Variants in HERC1 observed in about 807,000 individuals in gnomAD.
The protein encoded by HERC1 is probable E3 ubiquitin-protein ligase HERC1.
Under a neutral mutation model 554.3 loss-of-function variants are expected in HERC1, and 160 were observed. The ratio of observed to expected loss-of-function variants is 0.29; its 90% confidence interval spans 0.25 to 0.33. The LOEUF is 0.33. Among genes scored for constraint, HERC1 ranks in the 10% least tolerant of loss-of-function variants. The pLI is 1.00. For missense variants in HERC1, 4,919 were observed against 5,918.5 expected (o/e 0.83, Z 5.54); for synonymous variants, 2,175 against 2,131.7 (o/e 1.02, Z -0.56).
intron 74 of HERC1, among the ~76,000 whole-genome samples, chr15:63,618,345 C>G (rs2067915085): frequency 6.6e-6 from 1 of 152,220 alleles, no homozygotes; most frequent in South Asian, 2.1e-4. Flanking sequence ...GGGCTCTGTT[C>G]TGTTCCATTG....
intron 33 of HERC1, among the ~76,000 whole-genome samples, chr15:63,687,234 A>G (rs2071814984): frequency 6.6e-6 from 1 of 152,168 alleles, no homozygotes. Context: ...TATCCCTGCA[A>G]GTTCAGGTAA....
Position 63,680,018 on chromosome 15 carries a change from T to C in HERC1, c.6549+59A>G, listed in dbSNP as rs1311336034. 7.6e-6 allele frequency: 9 copies of C among 1,188,264 alleles called. No individual in the cohort carries two copies. Among genetic ancestry groups the C allele is most frequent in the Admixed American group, 1.9e-5 (1 of 53,406 alleles). The allele number at this position is 1,188,264 out of a possible 1,614,324, so 73.6% of individuals were successfully genotyped here. On this transcript the variant is annotated intron_variant, in intron 36 of 77. Coordinates refer to ENST00000443617, the MANE Select transcript of HERC1 (RefSeq NM_003922.4). This position sits in a 1 kb window ranked among gnomAD's most constrained non-coding sequence, Gnocchi z 5.8. ...TAGCTTATTATATTTATAAACTCTA[T>C]CTGATGCTAAACAATAAAATAACAA...
intron 25 of HERC1, among the ~76,000 whole-genome samples, chr15:63,704,946 G>C (rs987685062): frequency 6.6e-6 from 1 of 151,822 alleles, no homozygotes; most frequent in South Asian, 2.1e-4. Context: ...CACCATGTTA[G>C]CCAGGATGGT....
intron 1 of HERC1, among the ~76,000 whole-genome samples, chr15:63,823,316 G>A (rs2145820420): frequency 6.6e-6 from 1 of 152,220 alleles, no homozygotes; most frequent in Admixed American, 6.5e-5. Context: ...TGAGTCAACT[G>A]GCATATAGAT....
rs775254440 is a variant in HERC1 at position 63,645,545 on chromosome 15, T to C, written c.11016A>G (p.Val3672=). The change falls in exon 56 of 78, where the codon GTA becomes GTG. Residue 3672 remains valine, a synonymous_variant. Coordinates refer to ENST00000443617, the MANE Select transcript of HERC1 (RefSeq NM_003922.4). Reference sequence around the variant, plus strand: ...GAAGGCGGCACCAAGCAATGCCATTTACAATAGATGGATGGCAGAGTGAAT... The same window carrying C: ...GAAGGCGGCACCAAGCAATGCCATTCACAATAGATGGATGGCAGAGTGAAT... ...CLHSLCHPSI[V]NGIAWCRLPG... 29 of 1,613,374 alleles carry C rather than the reference T, an allele frequency of 1.8e-5. No homozygotes were observed. The Middle Eastern group carries it at 1.2e-3, about 64-fold the overall frequency.
At chr15:63,737,413 ATATC>A (rs1468011101) in intron 12 of HERC1, among the ~76,000 whole-genome samples, 2 of 89,800 alleles carry the variant, frequency 2.2e-5, no homozygotes, top group African/African-American at 4.0e-5. Flanking sequence ...ATATATATAT[ATATC>A]TTTTTTCCAG....
rs2073652350 is a variant in HERC1, at chr15:63,718,126, C to CAA, written c.3978+447_3978+448insTT. Among the ~76,000 whole-genome samples the CAA allele has an allele frequency of 2.8e-5, 2 of 71,870 alleles. No individual in the cohort carries two copies. Among genetic ancestry groups the CAA allele is most frequent in the African/African-American group, 9.1e-5 (2 of 22,074 alleles). 47.1% of individuals were successfully genotyped at this position (71,870 alleles called of 152,430 possible). A position where few individuals can be genotyped will look rare whatever the true frequency, so the allele number is the denominator to read the frequency against. On this transcript the variant is annotated intron_variant, in intron 21 of 77. Transcript: ENST00000443617. This position sits in a 1 kb window ranked among gnomAD's most constrained non-coding sequence, Gnocchi z 4.2. ...CACACACACACACACACACACACAACCCCCTCCTTGGTTTTCACTTCTCTA... is the reference window on the plus strand; with the variant it reads ...CACACACACACACACACACACACAACAACCCCTCCTTGGTTTTCACTTCTCTA...
chr15:63,667,012 A>G (rs527813146), intron 40 of HERC1, among the ~76,000 whole-genome samples: 55 of 152,372 alleles, frequency 3.6e-4, no homozygotes, highest in African/African-American at 1.3e-3. Flanking sequence ...GCATAGTGCT[A>G]AAGTGCTGTC....
At chr15:63,619,824 T>C (rs2067993135) in intron 74 of HERC1, among the ~76,000 whole-genome samples, 2 of 152,306 alleles carry the variant, frequency 1.3e-5, no homozygotes, top group South Asian at 4.1e-4. Context: ...TGTATTTCTG[T>C]GGGATCGGTG....
intron 25 of HERC1, among the ~76,000 whole-genome samples, chr15:63,704,318 T>C (rs1286856661): frequency 6.6e-6 from 1 of 152,244 alleles, no homozygotes; most frequent in Non-Finnish European, 1.5e-5. Context: ...TACTTTCTTT[T>C]ATTCCAAAGA....
intron 2 of HERC1, among the ~76,000 whole-genome samples, chr15:63,772,516 A>T (rs1051206834): frequency 2.0e-5 from 3 of 150,676 alleles, no homozygotes; most frequent in African/African-American, 7.3e-5. Context: ...TAATATATAT[A>T]TATTAAATAT....
chr15:63,742,366 A>G (rs1318459579), intron 12 of HERC1, among the ~76,000 whole-genome samples: 1 of 152,164 alleles, frequency 6.6e-6, no homozygotes, highest in Non-Finnish European at 1.5e-5. Context: ...TATTAGCCCT[A>G]ATAGTTGTGT....
intron 3 of HERC1, among the ~76,000 whole-genome samples, chr15:63,759,823 C>T (rs569021107): frequency 6.6e-6 from 1 of 152,260 alleles, no homozygotes; most frequent in African/African-American, 2.4e-5. Context: ...AGGATAGGGT[C>T]ATCTTGGTCA....
At chr15:63,693,243 TTTTC>T (rs1567020534) in intron 30 of HERC1, among the ~76,000 whole-genome samples, 1 of 67,072 alleles carries the variant, frequency 1.5e-5, no homozygotes, top group Non-Finnish European at 3.9e-5. Flanking sequence ...GGAATTTTCT[TTTTC>T]TTTTTTTTTT....
chr15:63,680,049 C>A lies in HERC1; in HGVS notation c.6549+28G>T. On this transcript the variant is annotated intron_variant, in intron 36 of 77. Coordinates refer to ENST00000443617, the MANE Select transcript of HERC1 (RefSeq NM_003922.4). This position sits in a 1 kb window ranked among gnomAD's most constrained non-coding sequence, Gnocchi z 5.8. The stretch of plus-strand genomic sequence containing the variant: ...GCTAAACAATAAAATAACAAATATT[C>A]TTAAATAAAGGTTTGAGACTTCATT... 7.0e-7 allele frequency: 1 copy of A among 1,437,876 alleles called. No homozygotes were observed. The highest frequency in any genetic ancestry group is 1.2e-5 in the South Asian group (1 of 83,512). The allele number at this position is 1,437,876 out of a possible 1,614,324, so 89.1% of individuals were successfully genotyped here.
chr15:63,758,345 A>G lies in HERC1; in HGVS notation c.1051T>C (p.Ser351Pro). Reference protein sequence around the residue: ...EEVCRMASDYSRTCASPDSIQ... With the variant: ...EEVCRMASDYPRTCASPDSIQ... ...CTATCTGGGCTAGCACATGTTCTCG[A>G]ATAATCAGAAGCCATTCTGCAAACC... The change falls in exon 4 of 78, where the codon TCG becomes CCG. Residue 351 changes from serine to proline, a missense_variant. Ser to Pro is a moderately conservative substitution (Grantham distance 74). Coordinates refer to ENST00000443617, the MANE Select transcript of HERC1 (RefSeq NM_003922.4). This position sits in a 1 kb window ranked among gnomAD's most constrained non-coding sequence, Gnocchi z 4.0. 1 of 1,594,192 alleles carries G rather than the reference A, an allele frequency of 6.3e-7. No individual in the cohort carries two copies. Among genetic ancestry groups the G allele is most frequent in the Non-Finnish European group, 8.6e-7 (1 of 1,163,768 alleles).
intron 55 of HERC1, among the ~76,000 whole-genome samples, chr15:63,646,840 AC>A: frequency 6.6e-6 from 1 of 151,712 alleles, no homozygotes; most frequent in African/African-American, 2.4e-5. Flanking sequence ...AAAAACAAAA[AC>A]AAAACAAAAC....
At chr15:63,615,227 C>A (rs2067763194) in intron 76 of HERC1, among the ~76,000 whole-genome samples, 1 of 152,138 alleles carries the variant, frequency 6.6e-6, no homozygotes, top group South Asian at 2.1e-4. Flanking sequence ...CAGTCTCAAT[C>A]CAACCAAAGA....
Position 63,694,699 on chromosome 15 carries a change from T to C in HERC1, c.5242+75A>G, listed in dbSNP as rs185727919. On this transcript the variant is annotated intron_variant, in intron 28 of 77. Coordinates refer to ENST00000443617, the MANE Select transcript of HERC1 (RefSeq NM_003922.4). The surrounding 1 kb of genome is among the most constrained non-coding windows in gnomAD (Gnocchi z 4.3). The stretch of plus-strand genomic sequence containing the variant: ...ATCTACTAATGTTAAACACAAAATA[T>C]AGAACATAACTAGTACCATAACCTC... 411 of 1,582,694 alleles carry C rather than the reference T, an allele frequency of 2.6e-4. 8 individuals carry two copies. In the East Asian group the frequency reaches 6.3e-3, roughly 24 times the overall value.
Sources: allele counts gnomAD v4.1 joint callset (sites outside exome capture counted in the v4.1 genomes callset), GRCh38; gene constraint gnomAD v4.1.1; non-coding constraint Gnocchi (gnomAD v3.1); transcripts MANE v1.5; gene names NCBI Gene and HGNC (gene_info 2026-07-23, HGNC 2026-07-21).